Variants in CDH12 observed in about 807,000 individuals in gnomAD.
The protein encoded by CDH12 is cadherin-12.
A neutral mutation model predicts 74.1 loss-of-function variants in CDH12; 41 were observed. That is an observed-to-expected ratio of 0.55 (90% CI 0.43 to 0.72). The LOEUF (loss-of-function observed/expected upper bound fraction) is 0.72, where lower values mean the gene tolerates loss of function less well. Among genes scored for constraint, CDH12 ranks in the 30% least tolerant of loss-of-function variants. The pLI is 0.00. For missense variants in CDH12, 945 were observed against 977.2 expected (o/e 0.97, Z 0.44); for synonymous variants, 399 against 355.0 (o/e 1.12, Z -1.39).
At position 22,824,707 on chromosome 5, in the gene CDH12, A is replaced by T. The variant is rs142700577; in HGVS notation, c.-523+28351T>A. ...AGAAGTAGACATGAATAAACTTTGC[A>T]AATATTTAATAAATAAAAATTACAA... On this transcript the variant is annotated intron_variant, in intron 1 of 14. Transcript: ENST00000382254. Among the ~76,000 whole-genome samples, 200 of 151,998 alleles carry T rather than the reference A, an allele frequency of 1.3e-3. 2 individuals carry two copies. The highest frequency in any genetic ancestry group is 4.7e-3 in the African/African-American group (197 of 41,576).
chr5:22,077,233 TATGTC>T (rs1334230051), intron 5 of CDH12, among the ~76,000 whole-genome samples: 4 of 152,160 alleles, frequency 2.6e-5, no homozygotes, highest in African/African-American at 7.2e-5. Flanking sequence ...ACTCTGGTTA[TATGTC>T]CCTTTCAACA....
At chr5:22,419,376 C>T (rs34908271) in intron 2 of CDH12, among the ~76,000 whole-genome samples, 50,712 of 151,880 alleles carry the variant, frequency 0.33, 10,093 homozygotes, top group Admixed American at 0.46. Context: ...CATTGTTAAG[C>T]TCCCACCTAT....
rs1250886237 is a variant in CDH12 at position 21,783,419 on chromosome 5, A to G, written c.1332T>C (p.Asn444=). The change falls in exon 11 of 15, where the codon AAT becomes AAC. Residue 444 remains asparagine (N), a synonymous_variant. Transcript: ENST00000382254. ...CAGTGCTTTCTCTGTCTAGTAATTC[A>G]TTAGTGGCGATGGTTCCTTCATTTC... is the stretch of plus-strand genomic sequence containing the variant. ...IDGNEGTIAT[N]ELLDRESTAQ... is the part of the protein sequence containing the mutation. 2.5e-6 allele frequency: 4 copies of G among 1,610,582 alleles called. No homozygotes were observed. The highest frequency in any genetic ancestry group is 3.4e-6 in the Non-Finnish European group (4 of 1,176,766).
At chr5:22,529,789 G>T (rs1284930427) in intron 1 of CDH12, among the ~76,000 whole-genome samples, 3 of 152,078 alleles carry the variant, frequency 2.0e-5, no homozygotes, top group Admixed American at 6.6e-5. Flanking sequence ...CCAGATATTG[G>T]CAATGAGAAA....
At chr5:22,556,343 C>T (rs1738804211) in intron 1 of CDH12, among the ~76,000 whole-genome samples, 1 of 152,006 alleles carries the variant, frequency 6.6e-6, no homozygotes, top group African/African-American at 2.4e-5. Context: ...AATTGTGATA[C>T]TTGTTTTTTT....
chr5:21,772,124 T>TACA (rs1164457753), intron 11 of CDH12, among the ~76,000 whole-genome samples: 4 of 152,192 alleles, frequency 2.6e-5, no homozygotes. Context: ...AGTGAGTTGT[T>TACA]GGGCTTAGAA....
intron 2 of CDH12, among the ~76,000 whole-genome samples, chr5:22,433,508 C>T (rs1385237018): frequency 2.0e-5 from 3 of 151,628 alleles, no homozygotes; most frequent in Admixed American, 6.6e-5. Context: ...TCAACAGATA[C>T]ATAAATGAGT....
chr5:22,526,146 T>C (rs1737266910), intron 1 of CDH12, among the ~76,000 whole-genome samples: 2 of 152,176 alleles, frequency 1.3e-5, no homozygotes, highest in Admixed American at 1.3e-4. Context: ...TGACATTCGG[T>C]GTTTTATATA....
chr5:22,044,232 A>T (rs752305803), intron 5 of CDH12, among the ~76,000 whole-genome samples: 1 of 152,174 alleles, frequency 6.6e-6, no homozygotes, highest in Non-Finnish European at 1.5e-5. Context: ...AAACAAAACA[A>T]AAACAGACAG....
intron 13 of CDH12, 29 bp from the exon 14 acceptor site, chr5:21,755,871 G>C (rs1199231435): frequency 6.2e-7 from 1 of 1,608,438 alleles, no homozygotes; most frequent in Non-Finnish European, 8.5e-7. Flanking sequence ...ATGGTAACAT[G>C]GTTACTATAA....
At chr5:22,438,493 C>G (rs1202677941) in intron 2 of CDH12, among the ~76,000 whole-genome samples, 1 of 152,030 alleles carries the variant, frequency 6.6e-6, no homozygotes, top group Non-Finnish European at 1.5e-5. Context: ...AAATCTAAAA[C>G]ACAGCCCAGA....
intron 11 of CDH12, among the ~76,000 whole-genome samples, chr5:21,778,914 TA>T (rs1406497203): frequency 6.6e-6 from 1 of 152,128 alleles, no homozygotes; most frequent in Admixed American, 6.5e-5. Flanking sequence ...TTTAAAAAGT[TA>T]CAACATAAAA....
intron 1 of CDH12, among the ~76,000 whole-genome samples, chr5:22,774,683 G>A (rs1453092390): frequency 6.6e-6 from 1 of 152,004 alleles, no homozygotes; most frequent in East Asian, 1.9e-4. Context: ...ATTATTTTGA[G>A]GCCTCCCCAG....
In CDH12 at chr5:22,801,636, CATATATATATATATATAT is replaced by C. The variant is rs568139109; in HGVS notation, c.-523+51404_-523+51421del. Among the ~76,000 whole-genome samples the C allele has an allele frequency of 3.0e-3, 152 of 50,892 alleles. 1 individual carries two copies. Among genetic ancestry groups the C allele is most frequent in the East Asian group, 7.7e-3 (11 of 1,430 alleles). The allele number at this position is 50,892 out of a possible 152,430, so 33.4% of individuals were successfully genotyped here. A position where few individuals can be genotyped will look rare whatever the true frequency, so the allele number is the denominator to read the frequency against. On this transcript the variant is annotated intron_variant, in intron 1 of 14. Transcript: ENST00000382254. ...TTACAATTACCTTCACTCTGCTTAT[CATATATATATATATATAT>C]ATATATATATATATATATATATATA...
chr5:22,229,715 G>A (rs913060122), intron 3 of CDH12, among the ~76,000 whole-genome samples: 1 of 151,986 alleles, frequency 6.6e-6, no homozygotes, highest in African/African-American at 2.4e-5. Context: ...CAAATTTCAT[G>A]CCCACATCTC....
At chr5:22,614,457 A>C (rs1168990818) in intron 1 of CDH12, among the ~76,000 whole-genome samples, 1 of 152,254 alleles carries the variant, frequency 6.6e-6, no homozygotes, top group Non-Finnish European at 1.5e-5. Context: ...ATGAATGAGC[A>C]GATAAACTGG....
intron 6 of CDH12, among the ~76,000 whole-genome samples, chr5:21,917,891 C>A (rs1352811871): frequency 6.6e-6 from 1 of 152,166 alleles, no homozygotes; most frequent in Non-Finnish European, 1.5e-5. Flanking sequence ...TTGAACACTG[C>A]TTTACTGCAT....
At chr5:22,187,486 C>A (rs1580375198) in intron 4 of CDH12, among the ~76,000 whole-genome samples, 2 of 151,024 alleles carry the variant, frequency 1.3e-5, no homozygotes, top group East Asian at 3.9e-4. Context: ...AATCAAGATT[C>A]CCTTTAAACT....
rs116307033 is a variant in CDH12, at chr5:22,059,541, T to A, written c.231+18905A>T. Among the ~76,000 whole-genome samples, 918 of 152,256 alleles carry A rather than the reference T, an allele frequency of 6.0e-3. 6 individuals carry two copies. The highest frequency in any genetic ancestry group is 0.021 in the African/African-American group (874 of 41,562). ...TGCTCCAATACTACCAATTCTTGCC[T>A]GAACTTATAAGTCTACACAGCAGAG... On this transcript the variant is annotated intron_variant, in intron 5 of 14. Transcript: ENST00000382254.
Sources: allele counts gnomAD v4.1 joint callset (sites outside exome capture counted in the v4.1 genomes callset), GRCh38; gene constraint gnomAD v4.1.1; transcripts MANE v1.5; gene names NCBI Gene and HGNC (gene_info 2026-07-23, HGNC 2026-07-21).